Variants in ENTPD7 observed in about 807,000 individuals in gnomAD.
The protein encoded by ENTPD7 is NTPDase 7.
ENTPD7 carries 53 observed loss-of-function variants against 77.9 expected under a neutral mutation model. That is an observed-to-expected ratio of 0.68 (90% CI 0.55 to 0.85). The LOEUF is 0.85. Among genes scored for constraint, ENTPD7 ranks in the 40% least tolerant of loss-of-function variants. The probability of loss-of-function intolerance (pLI) is 0.00; values close to 1 mark genes in which losing one functional copy is unlikely to be tolerated. For synonymous variants in ENTPD7, 248 were observed against 274.9 expected, an observed-to-expected ratio of 0.90 and a Z score of 0.97; for missense variants, 636 against 743.7, an observed-to-expected ratio of 0.86 and a Z score of 1.68.
intron 12 of ENTPD7, 38 bp from the exon 13 acceptor site, chr10:99,704,412 AAC>A (rs978436554): frequency 1.3e-5 from 21 of 1,595,510 alleles, no homozygotes; most frequent in Non-Finnish European, 1.8e-5. Context: ...TTTGAAACTT[AAC>A]AGTTTTTTCC....
At chr10:99,661,841 C>T (rs1024263778) in intron 3 of ENTPD7, among the ~76,000 whole-genome samples, 2 of 152,064 alleles carry the variant, frequency 1.3e-5, no homozygotes, top group Non-Finnish European at 2.9e-5. Flanking sequence ...TTTGTGTTTT[C>T]TTGTTTTGGT....
At chr10:99,690,471 C>T (rs2035866271) in intron 7 of ENTPD7, among the ~76,000 whole-genome samples, 1 of 151,398 alleles carries the variant, frequency 6.6e-6, no homozygotes, top group Admixed American at 6.6e-5. Context: ...CCTTTTTGTT[C>T]TGTTATGCTG....
At chr10:99,682,791 C>T (rs190079772) in intron 5 of ENTPD7, among the ~76,000 whole-genome samples, 2 of 152,074 alleles carry the variant, frequency 1.3e-5, no homozygotes, top group South Asian at 4.1e-4. Flanking sequence ...GAGCAGGTGC[C>T]ACATCACAAA....
chr10:99,675,386 A>C (rs1252799301), intron 3 of ENTPD7, among the ~76,000 whole-genome samples: 6 of 151,958 alleles, frequency 3.9e-5, no homozygotes, highest in African/African-American at 9.7e-5. Context: ...GATTTGCATA[A>C]CTCAGTGAAC....
At position 99,704,775 on chromosome 10, in the gene ENTPD7, T is replaced by G; in HGVS notation, c.*92T>G. On this transcript the variant is annotated 3_prime_UTR_variant, in exon 13 of 13. Coordinates refer to ENST00000370489, the MANE Select transcript of ENTPD7 (RefSeq NM_020354.5). ...TTATATAGCCTCAGATGCTGTGATGTCTGACCTTGTGGATATTTGCCCTTG... is the reference window on the plus strand; with the variant it reads ...TTATATAGCCTCAGATGCTGTGATGGCTGACCTTGTGGATATTTGCCCTTG... 1 of 1,174,722 alleles carries G rather than the reference T, an allele frequency of 8.5e-7. No individual in the cohort carries two copies. Among genetic ancestry groups the G allele is most frequent in the Admixed American group, 2.3e-5 (1 of 43,980 alleles). 72.8% of individuals were successfully genotyped at this position (1,174,722 alleles called of 1,614,324 possible). A position where few individuals can be genotyped will look rare whatever the true frequency, so the allele number is the denominator to read the frequency against.
rs1240821774 is a variant in ENTPD7, at chr10:99,711,134, G to A, written c.*6451G>A. On this transcript the variant is annotated 3_prime_UTR_variant, in exon 13 of 13. Transcript: ENST00000370489. ...ACCCTAAGATAATCATTCACCAGAA[G>A]CTCATAGATATAATACAGTTATATA... 1.0e-6 allele frequency: 1 copy of A among 984,626 alleles called. No individual in the cohort carries two copies. Among genetic ancestry groups the A allele is most frequent in the Non-Finnish European group, 1.2e-6 (1 of 829,474 alleles). The allele number at this position is 984,626 out of a possible 1,614,324, so 61.0% of individuals were successfully genotyped here. A position where few individuals can be genotyped will look rare whatever the true frequency, so the allele number is the denominator to read the frequency against.
chr10:99,679,986 T>C, intron 5 of ENTPD7, 111 bp downstream of exon 5: 1 of 1,280,524 alleles, frequency 7.8e-7, no homozygotes, highest in South Asian at 1.6e-5. Context: ...AACCCAATTA[T>C]GACACAATCA....
chr10:99,697,351 A>T (rs1194783985), intron 9 of ENTPD7: 1 of 154,890 alleles, frequency 6.5e-6, no homozygotes, highest in African/African-American at 2.4e-5. Context: ...AAAGTTTCAC[A>T]CCAGTTTTGG....
chr10:99,662,923 A>G (rs893577434), intron 3 of ENTPD7, among the ~76,000 whole-genome samples: 5 of 152,264 alleles, frequency 3.3e-5, no homozygotes, highest in Non-Finnish European at 7.3e-5. Context: ...CAAGGTTGAC[A>G]TGTTCTTACA....
In ENTPD7 at chr10:99,685,850, C is replaced by G. The variant is rs200454165; in HGVS notation, c.607C>G (p.Leu203Val). Residue 203 changes from leucine (L) to valine (V), a missense_variant, in exon 6 of 13, where the codon CTC (leucine) becomes GTC (valine). Transcript: ENST00000370489. Reference sequence around the variant, plus strand: ...AGATTTACCACTGGAGTTTGACTTCCTCTTTTCACAGTCTCAAGCAGAAGT... The same window carrying G: ...AGATTTACCACTGGAGTTTGACTTCGTCTTTTCACAGTCTCAAGCAGAAGT... Reference protein sequence around the residue: ...VKDLPLEFDFLFSQSQAEVIS... With the variant: ...VKDLPLEFDFVFSQSQAEVIS... 1 of 1,613,902 alleles carries G rather than the reference C, an allele frequency of 6.2e-7. No homozygotes were observed. Among genetic ancestry groups the G allele is most frequent in the South Asian group, 1.1e-5 (1 of 91,062 alleles).
intron 11 of ENTPD7, among the ~76,000 whole-genome samples, chr10:99,701,310 CAG>C (rs2036119314): frequency 6.8e-6 from 1 of 147,656 alleles, no homozygotes; most frequent in African/African-American, 2.5e-5. Flanking sequence ...TTTTTTGAGA[CAG>C]AGTCTCACTT....
intron 10 of ENTPD7, 71 bp from the exon 11 acceptor site, chr10:99,700,902 C>T: frequency 8.0e-7 from 1 of 1,245,328 alleles, no homozygotes; most frequent in East Asian, 2.3e-5. Flanking sequence ...AATGGAACAG[C>T]TGTGACTGTG....
intron 3 of ENTPD7, 62 bp downstream of exon 3, chr10:99,661,690 C>T (rs1453516926): frequency 2.1e-6 from 3 of 1,405,842 alleles, no homozygotes; most frequent in Non-Finnish European, 2.9e-6. Context: ...GTTTAACACA[C>T]TACTGACTTT....
chr10:99,710,028 C>T lies in ENTPD7; in HGVS notation c.*5345C>T, dbSNP rs2036333672. On this transcript the variant is annotated 3_prime_UTR_variant, in exon 13 of 13. Coordinates refer to ENST00000370489, the MANE Select transcript of ENTPD7 (RefSeq NM_020354.5). ...CAAAGTTGAAAAGTCTTCTGAATCACAGGCTATGTATAGCCACACATGCAT... is the reference window on the plus strand; with the variant it reads ...CAAAGTTGAAAAGTCTTCTGAATCATAGGCTATGTATAGCCACACATGCAT... The T allele has an allele frequency of 1.0e-6, 1 of 985,328 alleles. No individual in the cohort carries two copies. Among genetic ancestry groups the T allele is most frequent in the Non-Finnish European group, 1.2e-6 (1 of 829,952 alleles). 61.0% of individuals were successfully genotyped at this position (985,328 alleles called of 1,614,324 possible).
intron 12 of ENTPD7, among the ~76,000 whole-genome samples, chr10:99,703,665 G>T (rs1050058405): frequency 1.3e-5 from 2 of 152,114 alleles, no homozygotes; most frequent in African/African-American, 4.8e-5. Flanking sequence ...AGTTGATCAG[G>T]TAACAGCTTT....
rs777299636 is a variant in ENTPD7 at position 99,685,785 on chromosome 10, C to G, written c.549-7C>G. 6 of 1,610,294 alleles carry G rather than the reference C, an allele frequency of 3.7e-6. No individual in the cohort carries two copies. In the East Asian group the frequency reaches 1.3e-4, roughly 36 times the overall value. On this transcript the variant is annotated splice_polypyrimidine_tract_variant and splice_region_variant and intron_variant, in intron 5 of 12. Coordinates refer to ENST00000370489, the MANE Select transcript of ENTPD7 (RefSeq NM_020354.5). ...CTAACTTTGGGATTTTTTGTTCTTT[C>G]TTGCAGGAAGCAGTTGGCTATCTTG...
chr10:99,688,421 C>T (rs1169838841), intron 6 of ENTPD7, among the ~76,000 whole-genome samples: 5 of 151,654 alleles, frequency 3.3e-5, no homozygotes, highest in Admixed American at 1.3e-4. Flanking sequence ...TCTTTTTTTT[C>T]GATATCTTCG....
intron 3 of ENTPD7, among the ~76,000 whole-genome samples, chr10:99,663,103 A>G (rs2035506297): frequency 6.6e-6 from 1 of 152,054 alleles, no homozygotes; most frequent in Non-Finnish European, 1.5e-5. Context: ...ATATTTCCAT[A>G]TTTGCTTTTA....
At position 99,708,687 on chromosome 10, in the gene ENTPD7, G is replaced by A. The variant is rs563201284; in HGVS notation, c.*4004G>A. 2.6e-6 allele frequency: 1 copy of A among 380,562 alleles called. No individual in the cohort carries two copies. Among genetic ancestry groups the A allele is most frequent in the Admixed American group, 6.4e-5 (1 of 15,558 alleles). The allele number at this position is 380,562 out of a possible 1,614,324, so 23.6% of individuals were successfully genotyped here. A position where few individuals can be genotyped will look rare whatever the true frequency, so the allele number is the denominator to read the frequency against. On this transcript the variant is annotated 3_prime_UTR_variant, in exon 13 of 13. Coordinates refer to ENST00000370489, the MANE Select transcript of ENTPD7 (RefSeq NM_020354.5). ...CCTGATGATAAGGTTGGTGGGAACA[G>A]AGTTTCTAATAGTAATCATAATAAA...
Sources: gnomAD v4.1 joint callset for allele counts (sites outside exome capture counted in the v4.1 genomes callset) on GRCh38, gnomAD v4.1.1 for gene constraint, MANE v1.5 for transcripts, NCBI Gene and HGNC (gene_info 2026-07-23, HGNC 2026-07-21) for gene names.